LRRC4C: variants seen among roughly 807,000 people sequenced by gnomAD.
LRRC4C encodes the protein leucine-rich repeat-containing protein 4C.
Under a neutral mutation model 33.6 loss-of-function variants are expected in LRRC4C, and 5 were observed. The observed-to-expected ratio is 0.15, with a 90% CI of 0.08 to 0.31. LRRC4C has a LOEUF of 0.31. LRRC4C is among the 10% of genes least tolerant of loss of function. The pLI is 1.00. For missense variants in LRRC4C, 560 were observed against 796.7 expected (o/e 0.70, Z 3.58); for synonymous variants, 329 against 302.0 (o/e 1.09, Z -0.93).
intron 1 of LRRC4C, among the ~76,000 whole-genome samples, chr11:41,285,359 G>A (rs2030320487): frequency 6.6e-6 from 1 of 152,154 alleles, no homozygotes; most frequent in Admixed American, 6.5e-5. Context: ...TAGCTAAGTT[G>A]TGCCACCATT....
intron 6 of LRRC4C, among the ~76,000 whole-genome samples, chr11:40,125,756 T>A: frequency 6.6e-6 from 1 of 152,220 alleles, no homozygotes; most frequent in East Asian, 1.9e-4. Flanking sequence ...ATCATTTATC[T>A]GGACATCTCT....
chr11:41,421,440 C>T (rs1954870454), intron 1 of LRRC4C, among the ~76,000 whole-genome samples: 1 of 152,014 alleles, frequency 6.6e-6, no homozygotes, highest in South Asian at 2.1e-4. Context: ...AGCATGGTTA[C>T]TTGTTTGGAT....
At chr11:40,778,526 T>C (rs989640668) in intron 2 of LRRC4C, among the ~76,000 whole-genome samples, 4 of 152,030 alleles carry the variant, frequency 2.6e-5, no homozygotes, top group African/African-American at 9.7e-5. Flanking sequence ...TATACTTTAA[T>C]GAAAAAACAA....
chr11:40,778,175 T>A (rs1470499210), intron 2 of LRRC4C, among the ~76,000 whole-genome samples: 2 of 152,222 alleles, frequency 1.3e-5, no homozygotes, highest in Non-Finnish European at 2.9e-5. Flanking sequence ...ACTCAAATTT[T>A]TTGTGGTGAC....
chr11:40,704,093 C>T (rs1946021418), intron 2 of LRRC4C, among the ~76,000 whole-genome samples: 1 of 151,902 alleles, frequency 6.6e-6, no homozygotes, highest in Non-Finnish European at 1.5e-5. Flanking sequence ...AAAAATAATA[C>T]AAATAAAAAA....
chr11:41,237,125 T>G lies in LRRC4C; in HGVS notation c.-496+222306A>C, dbSNP rs115973292. ...GAACTAACTCTTATTAACTACAGTT[T>G]GGAGTTTACTCAAATGCTTTAACAA... On this transcript the variant is annotated intron_variant, in intron 1 of 6. Coordinates refer to ENST00000528697, the MANE Select transcript of LRRC4C (RefSeq NM_001258419.2). Among the ~76,000 whole-genome samples the G allele has an allele frequency of 9.4e-3, 1,427 of 152,330 alleles. 31 individuals are homozygous for G. Among genetic ancestry groups the G allele is most frequent in the African/African-American group, 0.033 (1,367 of 41,574 alleles).
chr11:41,327,590 G>A (rs1018503925), intron 1 of LRRC4C, among the ~76,000 whole-genome samples: 8 of 152,136 alleles, frequency 5.3e-5, no homozygotes, highest in Non-Finnish European at 1.0e-4. Context: ...CTTTATGTTT[G>A]TGAACACCAT....
At chr11:40,428,717 A>G (rs1950805959) in intron 3 of LRRC4C, among the ~76,000 whole-genome samples, 1 of 152,252 alleles carries the variant, frequency 6.6e-6, no homozygotes, top group Non-Finnish European at 1.5e-5. Context: ...CCTCACTCTT[A>G]GCTCAGTCAT....
At chr11:40,991,481 T>G (rs34639533) in intron 1 of LRRC4C, among the ~76,000 whole-genome samples, 59,447 of 151,970 alleles carry the variant, frequency 0.39, 12,587 homozygotes, top group South Asian at 0.54. Flanking sequence ...GATCTGGGAG[T>G]GACTGTTGGT....
At chr11:40,161,648 G>A (rs113157509) in intron 5 of LRRC4C, among the ~76,000 whole-genome samples, 46 of 152,152 alleles carry the variant, frequency 3.0e-4, no homozygotes, top group Non-Finnish European at 4.6e-4. Flanking sequence ...CTAACTACTC[G>A]GGAGGCTAGG....
chr11:41,333,423 T>G (rs1343241628), intron 1 of LRRC4C, among the ~76,000 whole-genome samples: 1 of 152,178 alleles, frequency 6.6e-6, no homozygotes, highest in Non-Finnish European at 1.5e-5. Flanking sequence ...CTTTACATAT[T>G]TGCGTATTTT....
chr11:41,296,235 A>G (rs542291313), intron 1 of LRRC4C, among the ~76,000 whole-genome samples: 1 of 152,314 alleles, frequency 6.6e-6, no homozygotes, highest in South Asian at 2.1e-4. Flanking sequence ...CTGCTTTCAC[A>G]AGAAATCCTG....
At chr11:40,118,947 C>T (rs2134631394) in intron 6 of LRRC4C, among the ~76,000 whole-genome samples, 1 of 152,256 alleles carries the variant, frequency 6.6e-6, no homozygotes, top group Non-Finnish European at 1.5e-5. Flanking sequence ...GGAAGACCTT[C>T]CTGTTGGCTC....
chr11:40,236,384 C>A (rs1314885416), intron 5 of LRRC4C, among the ~76,000 whole-genome samples: 1 of 152,144 alleles, frequency 6.6e-6, no homozygotes, highest in Admixed American at 6.6e-5. Flanking sequence ...CTGCATAGTT[C>A]CCATGGAAGC....
intron 3 of LRRC4C, among the ~76,000 whole-genome samples, chr11:40,621,069 T>C (rs1962405466): frequency 1.3e-5 from 2 of 151,650 alleles, no homozygotes; most frequent in Admixed American, 1.3e-4. Context: ...ATCTTTCTTT[T>C]TGGTTTTATC....
intron 1 of LRRC4C, among the ~76,000 whole-genome samples, chr11:41,031,957 A>C (rs578106849): frequency 5.3e-5 from 8 of 152,136 alleles, no homozygotes; most frequent in Middle Eastern, 6.8e-3. Flanking sequence ...CCAGGGTTGG[A>C]GACAAAAACC....
chr11:40,660,012 GCCAGGGCTGTGACAC>G (rs368522131), intron 2 of LRRC4C, among the ~76,000 whole-genome samples: 89 of 152,340 alleles, frequency 5.8e-4, no homozygotes, highest in African/African-American at 2.0e-3. Context: ...GGCTCCCTGA[GCCAGGGCTGTGACAC>G]CCTCTCTGGG....
rs1489143153 is a variant in LRRC4C at position 40,780,818 on chromosome 11, T to C, written c.-406-132540A>G. 3.3e-5 allele frequency among the ~76,000 whole-genome samples: 5 copies of C among 150,482 alleles called. No individual in the cohort carries two copies. The East Asian group carries it at 7.8e-4, about 23-fold the overall frequency. On this transcript the variant is annotated intron_variant, in intron 2 of 6. Coordinates refer to ENST00000528697, the MANE Select transcript of LRRC4C (RefSeq NM_001258419.2). ...TTTTTTTTAATACGAGGAAGGATAA[T>C]GAACATGCAGATTGCCAGGAGAATC...
At chr11:41,238,762 A>G (rs1948125252) in intron 1 of LRRC4C, among the ~76,000 whole-genome samples, 1 of 152,188 alleles carries the variant, frequency 6.6e-6, no homozygotes, top group African/African-American at 2.4e-5. Flanking sequence ...ATCATTATAT[A>G]AAGATCCAGT....
Sources: allele counts gnomAD v4.1 joint callset (sites outside exome capture counted in the v4.1 genomes callset), GRCh38; gene constraint gnomAD v4.1.1; transcripts MANE v1.5; gene names NCBI Gene and HGNC (gene_info 2026-07-23, HGNC 2026-07-21).